The following WWC2 variants were observed in gnomAD, a reference collection of about 807,000 sequenced individuals.
WWC2 encodes the protein protein WWC2.
WWC2 carries 101 observed loss-of-function variants against 138.5 expected under a neutral mutation model. The ratio of observed to expected loss-of-function variants is 0.73; its 90% CI spans 0.62 to 0.86. The LOEUF is 0.86. Ranked by LOEUF, WWC2 falls within the 40% of genes least tolerant of loss-of-function variation. The pLI, the probability that WWC2 is intolerant of heterozygous loss-of-function variation, is 0.00. For missense variants in WWC2, 1,420 were observed against 1,419.4 expected, an observed-to-expected ratio of 1.00 and a Z score of -0.01; for synonymous variants, 558 against 538.4, an observed-to-expected ratio of 1.04 and a Z score of -0.50.
chr4:183,268,448 T>C (rs555379896), intron 14 of WWC2, among the ~76,000 whole-genome samples: 1 of 152,342 alleles, frequency 6.6e-6, no homozygotes, highest in African/African-American at 2.4e-5. Flanking sequence ...CGTTGTTTCA[T>C]CTGTTTTAAA....
intron 2 of WWC2, among the ~76,000 whole-genome samples, chr4:183,205,483 C>T (rs1411090848): frequency 1.3e-5 from 2 of 152,108 alleles, no homozygotes; most frequent in Non-Finnish European, 2.9e-5. Context: ...GATTTTTCTC[C>T]AGATTATGGG....
intron 8 of WWC2, among the ~76,000 whole-genome samples, chr4:183,252,622 A>C (rs1737014650): frequency 6.6e-6 from 1 of 152,120 alleles, no homozygotes; most frequent in African/African-American, 2.4e-5. Flanking sequence ...TTGTCACTCC[A>C]GTGGTGTCAT....
intron 4 of WWC2, among the ~76,000 whole-genome samples, chr4:183,227,521 T>C (rs746014486): frequency 3.1e-4 from 47 of 151,990 alleles, no homozygotes; most frequent in Non-Finnish European, 6.5e-4. Flanking sequence ...ATACAAAATA[T>C]CCATGTTTAA....
At chr4:183,304,018 GAAT>G (rs1738947466) in intron 21 of WWC2, among the ~76,000 whole-genome samples, 1 of 152,074 alleles carries the variant, frequency 6.6e-6, no homozygotes, top group Non-Finnish European at 1.5e-5. Flanking sequence ...CTACTAAGTA[GAAT>G]GTTATGAAAT....
rs1169077954 is a variant in WWC2, at chr4:183,283,520, T to A, written c.2883+614T>A. On this transcript the variant is annotated intron_variant, in intron 18 of 22. Coordinates refer to ENST00000403733, the MANE Select transcript of WWC2 (RefSeq NM_024949.6). Reference sequence around the variant, plus strand: ...ATTTTGTATTCCTGAGAAAATAATATTATGCCCTGAGAACTTCCTTTCTCA... The same window carrying A: ...ATTTTGTATTCCTGAGAAAATAATAATATGCCCTGAGAACTTCCTTTCTCA... 8.5e-5 allele frequency among the ~76,000 whole-genome samples: 13 copies of A among 152,338 alleles called. No homozygotes were observed. In the South Asian group the frequency reaches 2.3e-3, roughly 27 times the overall value.
chr4:183,192,359 G>T (rs79645093), intron 1 of WWC2, among the ~76,000 whole-genome samples: 145 of 152,288 alleles, frequency 9.5e-4, no homozygotes, highest in Middle Eastern at 3.4e-3. Context: ...GTGAGTCAGT[G>T]GTAGAGCAGG....
intron 17 of WWC2, 153 bp downstream of exon 17, chr4:183,281,050 A>G: frequency 1.7e-6 from 2 of 1,152,662 alleles, no homozygotes; most frequent in Non-Finnish European, 2.3e-6. Context: ...TTCCTTGGTC[A>G]TTAGAGAGTT....
At position 183,251,790 on chromosome 4, in the gene WWC2, G is replaced by A. The variant is rs546850043; in HGVS notation, c.953+1797G>A. On this transcript the variant is annotated intron_variant, in intron 8 of 22. Transcript: ENST00000403733. The stretch of plus-strand genomic sequence containing the variant: ...GCTGATGAGAAAGTAAATCTCAAGC[G>A]CTTATGCATATGTTGAAAATGCTTT... Among the ~76,000 whole-genome samples, 7 of 152,246 alleles carry A rather than the reference G, an allele frequency of 4.6e-5. No individual in the cohort carries two copies. The South Asian group carries it at 1.5e-3, about 32-fold the overall frequency.
chr4:183,218,866 C>G (rs1735840671), intron 4 of WWC2, among the ~76,000 whole-genome samples: 1 of 152,138 alleles, frequency 6.6e-6, no homozygotes, highest in East Asian at 1.9e-4. Flanking sequence ...TCAGAGTTCA[C>G]CAGTTTAAAA....
chr4:183,260,806 T>G (rs1737297817), intron 10 of WWC2, 104 bp from the exon 11 acceptor site: 1 of 1,431,290 alleles, frequency 7.0e-7, no homozygotes, highest in Admixed American at 2.4e-5. Flanking sequence ...ATTCCATTCT[T>G]TAGCAGGTTT....
intron 1 of WWC2, among the ~76,000 whole-genome samples, chr4:183,170,203 T>C (rs142460598): frequency 1.1e-3 from 162 of 152,294 alleles, no homozygotes; most frequent in African/African-American, 3.4e-3. Flanking sequence ...ATTTCCACTG[T>C]AGAAAATAGC....
chr4:183,218,346 T>TAA (rs997511338), intron 4 of WWC2, among the ~76,000 whole-genome samples: 1 of 143,924 alleles, frequency 6.9e-6, no homozygotes, highest in Non-Finnish European at 1.5e-5. Context: ...AGCTATTACT[T>TAA]AAAAAAAAAA....
intron 1 of WWC2, among the ~76,000 whole-genome samples, chr4:183,101,532 AT>A (rs1743180962): frequency 6.6e-6 from 1 of 152,222 alleles, no homozygotes; most frequent in Admixed American, 6.5e-5. Flanking sequence ...ACTTACAAAT[AT>A]TTCTGGATCT....
intron 16 of WWC2, among the ~76,000 whole-genome samples, chr4:183,274,352 G>T (rs1737787386): frequency 6.6e-6 from 1 of 152,164 alleles, no homozygotes; most frequent in African/African-American, 2.4e-5. Context: ...TCTGATCCAT[G>T]AACATAGGAC....
At chr4:183,232,223 A>G (rs1019204876) in intron 4 of WWC2, among the ~76,000 whole-genome samples, 4 of 152,186 alleles carry the variant, frequency 2.6e-5, no homozygotes, top group African/African-American at 9.7e-5. Context: ...ATGTTTTACC[A>G]TGTGTATTTC....
At chr4:183,230,248 A>G (rs947053395) in intron 4 of WWC2, among the ~76,000 whole-genome samples, 10 of 152,088 alleles carry the variant, frequency 6.6e-5, no homozygotes, top group Non-Finnish European at 1.0e-4. Flanking sequence ...AGTTAATAGT[A>G]TAGAATGAAT....
intron 15 of WWC2, 44 bp downstream of exon 15, chr4:183,269,207 G>C: frequency 6.4e-7 from 1 of 1,561,500 alleles, no homozygotes. Context: ...CACTTAGATT[G>C]GGTGGTCTGA....
At chr4:183,203,177 CTT>C (rs35722099) in intron 2 of WWC2, among the ~76,000 whole-genome samples, 39 of 139,096 alleles carry the variant, frequency 2.8e-4, no homozygotes, top group Admixed American at 2.8e-4. Flanking sequence ...AATTCATTTG[CTT>C]TTTTTTTTTT....
intron 15 of WWC2, among the ~76,000 whole-genome samples, chr4:183,270,628 G>A (rs1165058700): frequency 6.8e-6 from 1 of 147,634 alleles, no homozygotes; most frequent in Non-Finnish European, 1.5e-5. Context: ...GCTGGGTGTT[G>A]TGGTGCGCAC....
Sources: allele counts gnomAD v4.1 joint callset (sites outside exome capture counted in the v4.1 genomes callset), GRCh38; gene constraint gnomAD v4.1.1; transcripts MANE v1.5; gene names NCBI Gene and HGNC (gene_info 2026-07-23, HGNC 2026-07-21).